Variants in SIN3A observed in about 807,000 individuals in gnomAD.
The protein encoded by SIN3A is SIN3 transcription regulator family member A, also known as paired amphipathic helix protein Sin3a.
In SIN3A, 14 loss-of-function variants were observed where a neutral mutation model predicts 146.1. The observed-to-expected ratio is 0.10, with a 90% confidence interval of 0.06 to 0.15. The LOEUF (loss-of-function observed/expected upper bound fraction) is 0.15. Among genes scored for constraint, SIN3A ranks in the 10% least tolerant of loss-of-function variants. SIN3A has a pLI of 1.00. For missense variants in SIN3A, 1,028 were observed against 1,576.0 expected, an observed-to-expected ratio of 0.65 and a Z score of 5.89; for synonymous variants, 572 against 572.0, an observed-to-expected ratio of 1.00 and a Z score of 0.00.
Position 75,410,011 on chromosome 15 carries a change from G to C in SIN3A, c.1162-20C>G. ...TAAAAGCTGATTAAGACACATGAAT[G>C]AGATTAATGCTCTTATCAAAGCAAA... On this transcript the variant is annotated intron_variant, in intron 7 of 20. Transcript: ENST00000394947. The C allele has an allele frequency of 6.2e-7, 1 of 1,613,464 alleles. No individual in the cohort carries two copies. The highest frequency in any genetic ancestry group is 8.5e-7 in the Non-Finnish European group (1 of 1,179,498).
rs61761938 is a variant in SIN3A at position 75,411,664 on chromosome 15, G to A, written c.836C>T (p.Pro279Leu). ...TGTCACTGGTGTGTGAGGCTGGACC[G>A]GCGGAGAACGTGGGGATGCATACGG... ...LPPYASPRSP[P>L]VQPHTPVTIS... The change falls in exon 6 of 21, where the codon CCG becomes CTG. Residue 279 changes from proline to leucine, a missense_variant. Around this residue, in one of 9 missense-constraint regions of SIN3A, gnomAD observed 112 missense variants for 135.7 expected, o/e 0.83. Transcript: ENST00000394947. 4,148 of 1,614,102 alleles carry A rather than the reference G, an allele frequency of 2.6e-3. 13 individuals carry two copies. The highest frequency in any genetic ancestry group is 3.0e-3 in the Non-Finnish European group (3,551 of 1,179,974).
Position 75,389,712 on chromosome 15 carries a change from G to A in SIN3A, c.2961C>T (p.Phe987=). 6.2e-7 allele frequency: 1 copy of A among 1,614,108 alleles called. No individual in the cohort carries two copies. The highest frequency in any genetic ancestry group is 8.5e-7 in the Non-Finnish European group (1 of 1,179,998). The change falls in exon 16 of 21, where the codon TTC becomes TTT. Residue 987 remains phenylalanine, a synonymous_variant. Transcript: ENST00000394947. ...SQYEDSLREM[F]TIHAYIAFTM... is the part of the protein sequence containing the mutation. ...TAAAGGCAATGTAGGCATGAATGGT[G>A]AACATCTCTCTCAGTGAATCTTCAT...
chr15:75,448,222 G>C (rs1304813721), intron 1 of SIN3A: 2 of 152,366 alleles, frequency 1.3e-5, no homozygotes, highest in African/African-American at 4.8e-5. Context: ...TTATGCGGCC[G>C]GGTGCAGTGG....
rs1047697467 is a variant in SIN3A, at chr15:75,396,629, A to G, written c.1855-133T>C. The G allele has an allele frequency of 7.8e-6, 5 of 644,058 alleles. No individual in the cohort carries two copies. The African/African-American group carries it at 9.2e-5, about 12-fold the overall frequency. The allele number at this position is 644,058 out of a possible 1,614,324, so 39.9% of individuals were successfully genotyped here. On this transcript the variant is annotated intron_variant, in intron 12 of 20. Transcript: ENST00000394947. ...GGTTCTGCCCTACTAGCTACATAAG[A>G]CTGTTTCTTTATCAGCAAAATAGGG...
Position 75,409,981 on chromosome 15 carries a change from T to C in SIN3A, c.1172A>G (p.Lys391Arg). 2 of 1,614,174 alleles carry C rather than the reference T, an allele frequency of 1.2e-6. No individual in the cohort carries two copies. Among genetic ancestry groups the C allele is most frequent in the Non-Finnish European group, 1.7e-6 (2 of 1,180,018 alleles). ...PDANSSVLLSKTTAEKVDSVR... is the reference protein window; with the variant it reads ...PDANSSVLLSRTTAEKVDSVR... ...AGAATCAACCTTCTCAGCAGTTGTT[T>C]TGCTTAAAAGCTGATTAAGACACAT... Residue 391 changes from lysine (K) to arginine (R), a missense_variant, in exon 8 of 21, where the codon AAA becomes AGA. Physicochemically the swap from Lys to Arg is conservative, Grantham distance 26. Coordinates refer to ENST00000394947, the MANE Select transcript of SIN3A (RefSeq NM_001145358.2).
intron 1 of SIN3A, among the ~76,000 whole-genome samples, chr15:75,448,564 T>G (rs2074348385): frequency 6.6e-6 from 1 of 152,184 alleles, no homozygotes; most frequent in Admixed American, 6.5e-5. Flanking sequence ...ATATCAGCTT[T>G]TATTTTTCAA....
upstream of SIN3A, among the ~76,000 whole-genome samples, chr15:75,454,541 C>G (rs945670334): frequency 6.6e-6 from 1 of 151,370 alleles, no homozygotes; most frequent in African/African-American, 2.4e-5. Flanking sequence ...GCCGCCATCC[C>G]GGCTGACAGG....
chr15:75,404,076 A>G (rs989217402), intron 9 of SIN3A, among the ~76,000 whole-genome samples: 3 of 152,354 alleles, frequency 2.0e-5, no homozygotes, highest in East Asian at 1.9e-4. Flanking sequence ...CAGTTCCAAA[A>G]TAAGTATTTA....
intron 2 of SIN3A, among the ~76,000 whole-genome samples, chr15:75,429,056 T>C (rs1308796499): frequency 6.6e-6 from 1 of 152,242 alleles, no homozygotes; most frequent in African/African-American, 2.4e-5. Context: ...TACATGCTAA[T>C]CAACCATTTA....
intron 1 of SIN3A, among the ~76,000 whole-genome samples, chr15:75,449,602 A>G (rs2074365071): frequency 6.6e-6 from 1 of 152,256 alleles, no homozygotes; most frequent in African/African-American, 2.4e-5. Flanking sequence ...AGTCACATAC[A>G]GAAGGCTACC....
At chr15:75,404,034 A>T (rs2073462628) in intron 9 of SIN3A, among the ~76,000 whole-genome samples, 1 of 152,218 alleles carries the variant, frequency 6.6e-6, no homozygotes, top group South Asian at 2.1e-4. Context: ...ACAAAGTAAA[A>T]CTAGTCTAGC....
At chr15:75,449,169 T>G (rs765095092) in intron 1 of SIN3A, among the ~76,000 whole-genome samples, 1 of 152,240 alleles carries the variant, frequency 6.6e-6, no homozygotes, top group African/African-American at 2.4e-5. Context: ...TCTCAGTTTA[T>G]GGCATCAGAA....
chr15:75,450,312 G>A (rs1443589656), intron 1 of SIN3A, among the ~76,000 whole-genome samples: 1 of 152,116 alleles, frequency 6.6e-6, no homozygotes, highest in Non-Finnish European at 1.5e-5. Flanking sequence ...GGCTAACTTC[G>A]TTTAAAGTCC....
intron 5 of SIN3A, 57 bp from the exon 6 acceptor site, chr15:75,411,800 A>G (rs941928000): frequency 9.3e-6 from 14 of 1,508,876 alleles, no homozygotes; most frequent in Non-Finnish European, 1.2e-5. Context: ...TGATACAAGG[A>G]AAGTTCAAAC....
chr15:75,452,206 T>G (rs1331857199), upstream of SIN3A, among the ~76,000 whole-genome samples: 2 of 152,202 alleles, frequency 1.3e-5, no homozygotes, highest in Non-Finnish European at 2.9e-5. Flanking sequence ...GGATTGGATA[T>G]CTTGGCGCTG....
chr15:75,382,655 G>T (rs1301090866), intron 17 of SIN3A, among the ~76,000 whole-genome samples: 2 of 152,142 alleles, frequency 1.3e-5, no homozygotes, highest in Non-Finnish European at 2.9e-5. Flanking sequence ...ATACATTAAA[G>T]ACCATTTCCG....
intron 3 of SIN3A, chr15:75,421,089 A>G (rs941556234): frequency 3.9e-5 from 6 of 152,238 alleles, no homozygotes; most frequent in Admixed American, 3.9e-4. Context: ...GGCTATAGAA[A>G]TACATATGTT....
rs556152962 is a variant in SIN3A, at chr15:75,450,695, T to A, written c.-34+728A>T. Among the ~76,000 whole-genome samples the A allele has an allele frequency of 2.0e-4, 30 of 152,306 alleles. 1 individual carries two copies. The South Asian group carries it at 5.8e-3, about 29-fold the overall frequency. Reference sequence around the variant, plus strand: ...CCCTTGTGCCCCCAGGCAGAAGGCATGACCCAGCCACAAGAGTAAGTCCTG... The same window carrying A: ...CCCTTGTGCCCCCAGGCAGAAGGCAAGACCCAGCCACAAGAGTAAGTCCTG... On this transcript the variant is annotated intron_variant, in intron 1 of 20. Coordinates refer to ENST00000394947, the MANE Select transcript of SIN3A (RefSeq NM_001145358.2).
intron 9 of SIN3A, 79 bp from the exon 10 acceptor site, chr15:75,402,049 C>A: frequency 1.2e-6 from 1 of 855,364 alleles, no homozygotes; most frequent in South Asian, 1.5e-5. Context: ...CTCTGTCGCC[C>A]AGGAGGAGGC....
Sources: gnomAD v4.1 joint callset for allele counts (sites outside exome capture counted in the v4.1 genomes callset) on GRCh38, gnomAD v4.1.1 for gene constraint, gnomAD v4.1.1 regional missense constraint, MANE v1.5 for transcripts, NCBI Gene and HGNC (gene_info 2026-07-23, HGNC 2026-07-21) for gene names.